CSMD1: variants seen among roughly 807,000 people sequenced by gnomAD.
The protein encoded by CSMD1 is CUB and Sushi multiple domains 1.
Under a neutral mutation model 417.5 loss-of-function variants are expected in CSMD1, and 213 were observed. That is an observed-to-expected ratio of 0.51 (90% CI 0.46 to 0.57). The LOEUF (loss-of-function observed/expected upper bound fraction) is 0.57. Ranked by LOEUF, CSMD1 falls within the 20% of genes least tolerant of loss-of-function variation. The pLI is 0.00. For missense variants in CSMD1, 6,923 were observed against 4,529.7 expected (o/e 1.53, Z -15.17); for synonymous variants, 2,862 against 1,736.8 (o/e 1.65, Z -16.11).
chr8:4,347,767 T>C (rs1800856827), intron 3 of CSMD1, among the ~76,000 whole-genome samples: 1 of 152,176 alleles, frequency 6.6e-6, no homozygotes, highest in South Asian at 2.1e-4. Flanking sequence ...CAAGTTGTAT[T>C]GGATAAAGTT....
intron 67 of CSMD1, among the ~76,000 whole-genome samples, chr8:2,949,741 T>C (rs550312101): frequency 1.3e-5 from 2 of 152,326 alleles, no homozygotes; most frequent in African/African-American, 4.8e-5. Flanking sequence ...TCCCAGCTAT[T>C]GGGCAGGGTA....
At chr8:2,950,607 A>C (rs1246787593) in intron 66 of CSMD1, among the ~76,000 whole-genome samples, 1 of 152,208 alleles carries the variant, frequency 6.6e-6, no homozygotes, top group Admixed American at 6.5e-5. Context: ...AAGAATAAAA[A>C]ATAACATATT....
chr8:4,856,169 T>A (rs1268579317), intron 1 of CSMD1, among the ~76,000 whole-genome samples: 1 of 145,404 alleles, frequency 6.9e-6, no homozygotes, highest in Non-Finnish European at 1.5e-5. Context: ...AAACTAAGCT[T>A]CATAAGTGAA....
intron 2 of CSMD1, among the ~76,000 whole-genome samples, chr8:4,611,840 C>T (rs941831515): frequency 1.3e-5 from 2 of 152,132 alleles, no homozygotes; most frequent in Non-Finnish European, 2.9e-5. Flanking sequence ...ATGGTAATTC[C>T]TCACCAGGGT....
intron 7 of CSMD1, among the ~76,000 whole-genome samples, chr8:3,684,145 A>G (rs1316690147): frequency 1.6e-5 from 2 of 125,682 alleles, no homozygotes; most frequent in Non-Finnish European, 3.6e-5. Flanking sequence ...TATAATGCCT[A>G]TATGTTATAA....
At chr8:4,434,032 G>T (rs527901725) in intron 2 of CSMD1, among the ~76,000 whole-genome samples, 1 of 152,096 alleles carries the variant, frequency 6.6e-6, no homozygotes, top group East Asian at 1.9e-4. Context: ...ATATGACAAG[G>T]AATTTTAAAT....
At chr8:3,551,448 A>G (rs1224817689) in intron 10 of CSMD1, among the ~76,000 whole-genome samples, 1 of 152,064 alleles carries the variant, frequency 6.6e-6, no homozygotes, top group African/African-American at 2.4e-5. Context: ...ACTGACAGCT[A>G]AGGAGAAAAG....
At chr8:4,439,912 T>C (rs1367214955) in intron 2 of CSMD1, among the ~76,000 whole-genome samples, 1 of 152,138 alleles carries the variant, frequency 6.6e-6, no homozygotes, top group Non-Finnish European at 1.5e-5. Flanking sequence ...GTTAACAAGC[T>C]TAATAAGGAG....
At chr8:3,411,957 C>CGT (rs1812786872) in intron 12 of CSMD1, among the ~76,000 whole-genome samples, 2 of 62,078 alleles carry the variant, frequency 3.2e-5, no homozygotes, top group Admixed American at 3.4e-4. Flanking sequence ...TATATATACA[C>CGT]GTATATATGC....
intron 3 of CSMD1, among the ~76,000 whole-genome samples, chr8:4,350,937 A>T (rs1469737334): frequency 6.6e-6 from 1 of 152,296 alleles, no homozygotes; most frequent in Middle Eastern, 3.4e-3. Context: ...TCCTTGACAC[A>T]TACTTGCTTT....
intron 10 of CSMD1, among the ~76,000 whole-genome samples, chr8:3,519,220 A>ACT (rs973103627): frequency 3.3e-5 from 5 of 152,244 alleles, no homozygotes; most frequent in East Asian, 1.9e-4. Flanking sequence ...AATTACCAAC[A>ACT]CTTTTTCTTT....
At chr8:3,762,688 G>T (rs185508700) in intron 5 of CSMD1, among the ~76,000 whole-genome samples, 2 of 152,190 alleles carry the variant, frequency 1.3e-5, no homozygotes, top group African/African-American at 2.4e-5. Flanking sequence ...CAGAGAAAGA[G>T]AGAGAGCCAA....
intron 1 of CSMD1, among the ~76,000 whole-genome samples, chr8:4,656,616 A>C (rs1804249241): frequency 1.3e-5 from 2 of 151,472 alleles, no homozygotes; most frequent in African/African-American, 4.9e-5. Flanking sequence ...GGTTCAAACC[A>C]ACAAAGGTGG....
intron 7 of CSMD1, among the ~76,000 whole-genome samples, chr8:3,671,345 ATTGTAT>A (rs1340771875): frequency 2.0e-5 from 3 of 148,248 alleles, no homozygotes; most frequent in African/African-American, 7.4e-5. Flanking sequence ...TACATGCTGT[ATTGTAT>A]TTAATTTCAT....
chr8:4,759,210 G>A (rs974291020), intron 1 of CSMD1, among the ~76,000 whole-genome samples: 1 of 152,122 alleles, frequency 6.6e-6, no homozygotes, highest in South Asian at 2.1e-4. Flanking sequence ...GAGGCCAGAG[G>A]CTCTGGTCTC....
intron 3 of CSMD1, among the ~76,000 whole-genome samples, chr8:4,312,438 C>T (rs991459279): frequency 5.6e-5 from 6 of 108,092 alleles, no homozygotes; most frequent in Non-Finnish European, 8.6e-5. Flanking sequence ...TATATATATG[C>T]GTATATATAT....
chr8:3,353,428 T>A (rs1239412106), intron 21 of CSMD1, among the ~76,000 whole-genome samples: 1 of 152,182 alleles, frequency 6.6e-6, no homozygotes, highest in African/African-American at 2.4e-5. Context: ...TCACAAAATG[T>A]TTCCTTTTCC....
intron 3 of CSMD1, among the ~76,000 whole-genome samples, chr8:4,116,913 C>G (rs953711955): frequency 1.3e-5 from 2 of 151,984 alleles, no homozygotes; most frequent in Admixed American, 6.6e-5. Flanking sequence ...GTGAGGTACT[C>G]GAAATGTGTA....
intron 3 of CSMD1, among the ~76,000 whole-genome samples, chr8:4,106,116 A>C (rs1563130981): frequency 6.6e-6 from 1 of 152,188 alleles, no homozygotes; most frequent in Non-Finnish European, 1.5e-5. Context: ...TTGTGGGTGG[A>C]GGGAAAGTGA....
Sources: gnomAD v4.1 joint callset for allele counts (sites outside exome capture counted in the v4.1 genomes callset) on GRCh38, gnomAD v4.1.1 for gene constraint, MANE v1.5 for transcripts, NCBI Gene and HGNC (gene_info 2026-07-23, HGNC 2026-07-21) for gene names.